IRAG1: variants seen among roughly 807,000 people sequenced by gnomAD.
IRAG1 encodes IP3R-associated cGMP kinase substrate.
IRAG1 carries 62 observed loss-of-function variants against 106.2 expected under a neutral mutation model. That is an observed-to-expected ratio of 0.58 (90% CI 0.48 to 0.72). The LOEUF (loss-of-function observed/expected upper bound fraction) is 0.72, where lower values mean the gene tolerates loss of function less well. IRAG1 is among the 30% of genes least tolerant of loss of function. The pLI is 0.00. For missense variants in IRAG1, 1,064 were observed against 1,140.7 expected (o/e 0.93, Z 0.97); for synonymous variants, 462 against 443.9 (o/e 1.04, Z -0.51).
intron 1 of IRAG1, among the ~76,000 whole-genome samples, chr11:10,683,593 A>G (rs376354722): frequency 2.0e-5 from 3 of 152,092 alleles, no homozygotes; most frequent in Admixed American, 2.0e-4. Flanking sequence ...GATGACACCT[A>G]TGGAATGTAT....
Position 10,580,502 on chromosome 11 carries a change from A to G in IRAG1, c.2448T>C (p.Pro816=). The G allele has an allele frequency of 3.1e-6, 5 of 1,613,800 alleles. No individual in the cohort carries two copies. The highest frequency in any genetic ancestry group is 4.2e-6 in the Non-Finnish European group (5 of 1,179,800). ...CTTCCTCAGTTTCTTCTACCTCTTC[A>G]GGTTCCTCAGGACTCTCACTCTTCT... The part of the protein sequence containing the change: ...EEQKSESPEE[P]EEVEETEEEE... The change falls in exon 20 of 21, where the codon CCT becomes CCC. Residue 816 remains proline, a synonymous_variant. Transcript: ENST00000423302.
At position 10,591,611 on chromosome 11, in the gene IRAG1, G is replaced by A. The variant is rs763983449; in HGVS notation, c.2177C>T (p.Ser726Leu). The stretch of plus-strand genomic sequence containing the variant: ...GCTGCCTTTCCCATTGGGTGATTCC[G>A]ACTGAGTGAAAAACAGAAGACAGAG... ...SSSIPSLPAL[S>L]ESPNGKGSLP... The change falls in exon 18 of 21, where the codon TCG becomes TTG. Residue 726 changes from serine to leucine, a missense_variant and splice_region_variant. Physicochemically the swap from Ser to Leu is moderately radical, Grantham distance 145 (BLOSUM62 -2). Coordinates refer to ENST00000423302, the MANE Select transcript of IRAG1 (RefSeq NM_130385.4). 9 of 1,590,726 alleles carry A rather than the reference G, an allele frequency of 5.7e-6. No homozygotes were observed. Among genetic ancestry groups the A allele is most frequent in the African/African-American group, 2.7e-5 (2 of 74,548 alleles).
Position 10,657,833 on chromosome 11 carries a change from C to T in IRAG1, c.68-5651G>A, listed in dbSNP as rs182888807. Among the ~76,000 whole-genome samples the T allele has an allele frequency of 5.3e-5, 8 of 152,240 alleles. No individual in the cohort carries two copies. In the East Asian group the frequency reaches 1.5e-3, roughly 29 times the overall value. On this transcript the variant is annotated intron_variant, in intron 1 of 20. Transcript: ENST00000423302. This position sits in a 1 kb window ranked among gnomAD's most constrained non-coding sequence, Gnocchi z 4.1. ...TGAGAACTCACCAGTCTTACCCCTG[C>T]ACCCATTTTTACCAATGGGGAACCG...
rs1184786420 is a variant in IRAG1, at chr11:10,611,904, G to GA, written c.1448-2054dup. ...CCATCTTACCAGCATTTCGAAGAGAGAAAAAACTGCCTGGGCTGCCTGCCA... is the reference window on the plus strand; with the variant it reads ...CCATCTTACCAGCATTTCGAAGAGAGAAAAAAACTGCCTGGGCTGCCTGCCA... On this transcript the variant is annotated intron_variant, in intron 10 of 20. Coordinates refer to ENST00000423302, the MANE Select transcript of IRAG1 (RefSeq NM_130385.4). 3.9e-5 allele frequency among the ~76,000 whole-genome samples: 6 copies of GA among 152,176 alleles called. No individual in the cohort carries two copies. The South Asian group carries it at 1.0e-3, about 26-fold the overall frequency.
At chr11:10,679,271 T>G (rs1404285033) in intron 1 of IRAG1, among the ~76,000 whole-genome samples, 1 of 152,210 alleles carries the variant, frequency 6.6e-6, no homozygotes, top group Non-Finnish European at 1.5e-5. Flanking sequence ...ATTCGCAATG[T>G]TGTGCACCTA....
Position 10,626,129 on chromosome 11 carries a change from G to C in IRAG1, c.1205C>G (p.Pro402Arg). The C allele has an allele frequency of 6.5e-7, 1 of 1,539,852 alleles. No homozygotes were observed. Among genetic ancestry groups the C allele is most frequent in the Non-Finnish European group, 8.8e-7 (1 of 1,142,734 alleles). Residue 402 changes from proline to arginine, a missense_variant, in exon 9 of 21, where the codon CCT (proline) becomes CGT (arginine). By Grantham distance (103) the Pro-to-Arg change is moderately radical (BLOSUM62 -2). Coordinates refer to ENST00000423302, the MANE Select transcript of IRAG1 (RefSeq NM_130385.4). ...GLSWDSGPEE[P>R]GPRLQKVLAK... The stretch of plus-strand genomic sequence containing the variant: ...AAGCACTTTCTGCAGCCGGGGGCCA[G>C]GTTCTTCAGGGCCACTGTCCCAGGA...
At chr11:10,588,473 CT>C (rs1374769779) in intron 18 of IRAG1, among the ~76,000 whole-genome samples, 1 of 152,216 alleles carries the variant, frequency 6.6e-6, no homozygotes, top group East Asian at 1.9e-4. Flanking sequence ...CCTCAGCCTC[CT>C]GAGTAGCTGG....
At chr11:10,650,882 C>A (rs890424159) in intron 2 of IRAG1, among the ~76,000 whole-genome samples, 6 of 152,212 alleles carry the variant, frequency 3.9e-5, no homozygotes, top group Non-Finnish European at 7.4e-5. Flanking sequence ...TATGCAGATA[C>A]AAAGGGCCAT....
At chr11:10,580,429 A>G (rs1851272686) in intron 20 of IRAG1, 26 bp downstream of exon 20, 1 of 1,600,352 alleles carries the variant, frequency 6.2e-7, no homozygotes, top group Non-Finnish European at 8.5e-7. Flanking sequence ...CAGCAACGGC[A>G]AGGACTCCAA....
chr11:10,578,497 T>C (rs1851059418), intron 20 of IRAG1, among the ~76,000 whole-genome samples: 3 of 152,374 alleles, frequency 2.0e-5, no homozygotes, highest in East Asian at 1.9e-4. Flanking sequence ...AATACTTTAA[T>C]GTGTGATGTT....
At chr11:10,629,435 C>T (rs879248205) in intron 5 of IRAG1, 103 bp downstream of exon 5, 50 of 1,249,864 alleles carry the variant, frequency 4.0e-5, no homozygotes, top group African/African-American at 3.3e-4. Flanking sequence ...GAGTCCAAGG[C>T]GACCTCCTCG....
intron 15 of IRAG1, 140 bp downstream of exon 15, chr11:10,600,778 C>T (rs1346227902): frequency 1.8e-6 from 2 of 1,126,642 alleles, no homozygotes; most frequent in African/African-American, 1.6e-5. Context: ...TGCTGGGAGG[C>T]CCCTGTGGGC....
chr11:10,654,651 G>T (rs559151566), intron 1 of IRAG1, among the ~76,000 whole-genome samples: 1 of 152,352 alleles, frequency 6.6e-6, no homozygotes, highest in African/African-American at 2.4e-5. Context: ...GTATAATGGG[G>T]TAAATATTTT....
At chr11:10,661,292 T>C (rs1859383737) in intron 1 of IRAG1, among the ~76,000 whole-genome samples, 1 of 152,236 alleles carries the variant, frequency 6.6e-6, no homozygotes, top group Non-Finnish European at 1.5e-5. Flanking sequence ...TATGGGTTCC[T>C]ACTTGTCCTC....
chr11:10,623,713 C>T (rs1856009197), intron 10 of IRAG1, 65 bp downstream of exon 10: 1 of 1,459,406 alleles, frequency 6.9e-7, no homozygotes, highest in Non-Finnish European at 9.6e-7. Flanking sequence ...ACACATTCAC[C>T]TTCCTTGATC....
intron 2 of IRAG1, among the ~76,000 whole-genome samples, chr11:10,642,337 C>G (rs563545659): frequency 6.6e-6 from 1 of 152,372 alleles, no homozygotes; most frequent in African/African-American, 2.4e-5. Context: ...GTTTTCCTAA[C>G]CGCCTGGGCA....
chr11:10,587,740 C>T (rs892745093), intron 18 of IRAG1, among the ~76,000 whole-genome samples: 1 of 152,174 alleles, frequency 6.6e-6, no homozygotes, highest in Non-Finnish European at 1.5e-5. Flanking sequence ...TCTCTCACCC[C>T]GACTCTGTTC....
At chr11:10,664,342 A>G (rs189972420) in intron 1 of IRAG1, among the ~76,000 whole-genome samples, 1 of 152,324 alleles carries the variant, frequency 6.6e-6, no homozygotes, top group East Asian at 1.9e-4. Context: ...AAGCCATGGA[A>G]ATAGGCCCAA....
rs369117628 is a variant in IRAG1, at chr11:10,629,707, G to T, written c.405C>A (p.Pro135=). Residue 135 remains proline, a synonymous_variant, in exon 5 of 21, where the codon CCC becomes CCA. Coordinates refer to ENST00000423302, the MANE Select transcript of IRAG1 (RefSeq NM_130385.4). The part of the protein sequence containing the change: ...VSTASLTSVD[P]AGHIIDLVND... ...TCACCAGGTCAATGATGTGCCCCGC[G>T]GGGTCTGCAGAAGGAGGATGAGCTG... The T allele has an allele frequency of 6.2e-7, 1 of 1,612,950 alleles. No individual in the cohort carries two copies. The highest frequency in any genetic ancestry group is 8.5e-7 in the Non-Finnish European group (1 of 1,179,436).
Sources: gnomAD v4.1 joint callset for allele counts (sites outside exome capture counted in the v4.1 genomes callset) on GRCh38, gnomAD v4.1.1 for gene constraint, Gnocchi (gnomAD v3.1) non-coding constraint, MANE v1.5 for transcripts, NCBI Gene and HGNC (gene_info 2026-07-23, HGNC 2026-07-21) for gene names.